RPS6KA2: variants seen among roughly 807,000 people sequenced by gnomAD.
The protein encoded by RPS6KA2 is ribosomal protein S6 kinase A2, also known as ribosomal protein S6 kinase alpha-2.
A neutral mutation model predicts 91.8 loss-of-function variants in RPS6KA2; 42 were observed. That is an observed-to-expected ratio of 0.46 (90% CI 0.36 to 0.59). RPS6KA2 has a LOEUF of 0.59. RPS6KA2 is among the 20% of genes least tolerant of loss of function. The probability of loss-of-function intolerance (pLI) is 0.00; values close to 1 mark genes in which losing one functional copy is unlikely to be tolerated. For synonymous variants in RPS6KA2, 414 were observed against 393.6 expected, an observed-to-expected ratio of 1.05 and a Z score of -0.61; for missense variants, 798 against 978.5, an observed-to-expected ratio of 0.82 and a Z score of 2.46.
In RPS6KA2 at chr6:166,430,593, A is replaced by C. The variant is rs765815045; in HGVS notation, c.1441T>G (p.Phe481Val). The change falls in exon 16 of 21, where the codon TTT becomes GTT. Residue 481 changes from phenylalanine to valine, a missense_variant. Transcript: ENST00000265678. ...ATCAGCTCCATTACCAGGTACACAA[A>C]CTTGCCATCATCATAGACCTGCGGA... Reference protein sequence around the residue: ...TLKDVYDDGKFVYLVMELMRG... With the variant: ...TLKDVYDDGKVVYLVMELMRG... 17 of 1,613,466 alleles carry C rather than the reference A, an allele frequency of 1.1e-5. No individual in the cohort carries two copies. In the Middle Eastern group the frequency reaches 5.0e-4, roughly 47 times the overall value.
intron 2 of RPS6KA2, among the ~76,000 whole-genome samples, chr6:166,812,508 G>C (rs7745455): frequency 0.22 from 34,185 of 151,936 alleles, 4,943 homozygotes; most frequent in African/African-American, 0.41. Flanking sequence ...GTGGGGAGAT[G>C]TCCCTTTTAG....
At position 166,430,627 on chromosome 6, in the gene RPS6KA2, G is replaced by A. The variant is rs1457989537; in HGVS notation, c.1423-16C>T. The A allele has an allele frequency of 6.2e-7, 1 of 1,605,674 alleles. No homozygotes were observed. The highest frequency in any genetic ancestry group is 1.7e-5 in the Admixed American group (1 of 59,582). ...CATCATAGACCTGCGGAGTGGAGAA[G>A]GGGCGCACACGTCACCACGGCTGGT... is the stretch of plus-strand genomic sequence containing the variant. On this transcript the variant is annotated splice_polypyrimidine_tract_variant and intron_variant, in intron 15 of 20. Transcript: ENST00000265678.
chr6:166,622,672 T>C (rs1361207608), intron 1 of RPS6KA2, among the ~76,000 whole-genome samples: 1 of 152,224 alleles, frequency 6.6e-6, no homozygotes, highest in Non-Finnish European at 1.5e-5. Context: ...CCCTTCACAC[T>C]TCCTTTATTA....
At chr6:166,702,401 T>C in intron 2 of RPS6KA2, 2 of 1,606,084 alleles carry the variant, frequency 1.2e-6, no homozygotes, top group Non-Finnish European at 1.7e-6. Flanking sequence ...ATTCTCTAAC[T>C]GAAATCCATT....
At chr6:166,562,192 C>T (rs1784366291) in intron 1 of RPS6KA2, among the ~76,000 whole-genome samples, 1 of 152,130 alleles carries the variant, frequency 6.6e-6, no homozygotes, top group Non-Finnish European at 1.5e-5. Context: ...ATCTGAGAGG[C>T]ACACTCCAAG....
At chr6:166,779,588 C>T (rs902180176) in intron 2 of RPS6KA2, among the ~76,000 whole-genome samples, 15 of 152,162 alleles carry the variant, frequency 9.9e-5, no homozygotes, top group Admixed American at 7.9e-4. Flanking sequence ...GGAGCCGCTC[C>T]GGGGCCTCAG....
In RPS6KA2 at chr6:166,793,110, T is replaced by C. The variant is rs980052764; in HGVS notation, c.123+65090A>G. Among the ~76,000 whole-genome samples the C allele has an allele frequency of 6.8e-4, 104 of 152,248 alleles. 2 individuals are homozygous for C. In the South Asian group the frequency reaches 0.014, roughly 21 times the overall value. ...TGATTGTATATCTAGAAAACCCCACTGTCTCAGCCCAAAATCTCCTTAAGC... is the reference window on the plus strand; with the variant it reads ...TGATTGTATATCTAGAAAACCCCACCGTCTCAGCCCAAAATCTCCTTAAGC... On this transcript the variant is annotated intron_variant, in intron 2 of 21. Coordinates refer to the RPS6KA2 transcript ENST00000503859.
intron 2 of RPS6KA2, among the ~76,000 whole-genome samples, chr6:166,682,262 C>T (rs955479707): frequency 6.6e-6 from 1 of 152,192 alleles, no homozygotes; most frequent in African/African-American, 2.4e-5. Flanking sequence ...TCATGCGTCA[C>T]TTAGTTGTTT....
chr6:166,840,055 T>A (rs1362667964), intron 2 of RPS6KA2, among the ~76,000 whole-genome samples: 2 of 152,150 alleles, frequency 1.3e-5, no homozygotes, highest in African/African-American at 4.8e-5. Context: ...ATAATGCCAC[T>A]TGTTTGCAGG....
chr6:166,640,305 A>G (rs1040134799), intron 2 of RPS6KA2, among the ~76,000 whole-genome samples: 19 of 152,252 alleles, frequency 1.2e-4, no homozygotes, highest in African/African-American at 3.6e-4. Context: ...GATTTGTTTT[A>G]GCAAATTTTC....
chr6:166,565,782 G>A (rs1023493976), intron 1 of RPS6KA2, among the ~76,000 whole-genome samples: 13 of 152,180 alleles, frequency 8.5e-5, no homozygotes, highest in Non-Finnish European at 1.5e-4. Flanking sequence ...CAGGACGGCC[G>A]ATGGCCTGGA....
chr6:166,515,754 T>C (rs2128485105), intron 3 of RPS6KA2, among the ~76,000 whole-genome samples: 1 of 152,300 alleles, frequency 6.6e-6, no homozygotes, highest in East Asian at 1.9e-4. Context: ...CCCACATCAC[T>C]AAGCTAAAGG....
At chr6:166,782,359 A>C (rs567522646) in intron 2 of RPS6KA2, among the ~76,000 whole-genome samples, 1 of 152,236 alleles carries the variant, frequency 6.6e-6, no homozygotes, top group African/African-American at 2.4e-5. Context: ...GGTGATGCAA[A>C]ATTACCCCTG....
At chr6:166,808,474 G>A (rs951372423) in intron 2 of RPS6KA2, among the ~76,000 whole-genome samples, 5 of 152,126 alleles carry the variant, frequency 3.3e-5, no homozygotes, top group South Asian at 2.1e-4. Context: ...GCATGAACCC[G>A]CCAGGGCAGA....
chr6:166,753,238 A>G (rs1777902481), intron 2 of RPS6KA2, among the ~76,000 whole-genome samples: 1 of 152,156 alleles, frequency 6.6e-6, no homozygotes, highest in East Asian at 1.9e-4. Context: ...GAATCTACGC[A>G]AGGGAAGAAC....
At position 166,533,840 on chromosome 6, in the gene RPS6KA2, G is replaced by A. The variant is rs1244416986; in HGVS notation, c.217-2527C>T. On this transcript the variant is annotated intron_variant, in intron 2 of 20. Coordinates refer to ENST00000265678, the MANE Select transcript of RPS6KA2 (RefSeq NM_021135.6). The surrounding 1 kb of genome is among the most constrained non-coding windows in gnomAD (Gnocchi z 4.0). The stretch of plus-strand genomic sequence containing the variant: ...GCTCACACCTGTAATCCAGCACATT[G>A]GGAGGCTGAGACAGAAGGATCTCTT... Among the ~76,000 whole-genome samples the A allele has an allele frequency of 2.0e-5, 3 of 152,174 alleles. No individual in the cohort carries two copies. The highest frequency in any genetic ancestry group is 7.2e-5 in the African/African-American group (3 of 41,442).
chr6:166,633,372 G>A (rs1335702795), intron 2 of RPS6KA2, among the ~76,000 whole-genome samples: 1 of 152,208 alleles, frequency 6.6e-6, no homozygotes, highest in African/African-American at 2.4e-5. Context: ...AGTACTTTGG[G>A]CCCATGAGGT....
At chr6:166,784,675 T>A (rs1409539704) in intron 2 of RPS6KA2, among the ~76,000 whole-genome samples, 163 of 16,844 alleles carry the variant, frequency 9.7e-3, no homozygotes, top group Middle Eastern at 0.071. Flanking sequence ...CACACCTATC[T>A]ATACCACATA....
Position 166,421,280 on chromosome 6 carries a change from A to G in RPS6KA2, c.1744-1322T>C, listed in dbSNP as rs73269209. Among the ~76,000 whole-genome samples the G allele has an allele frequency of 9.1e-3, 1,382 of 152,326 alleles. 16 individuals carry two copies. Among genetic ancestry groups the G allele is most frequent in the African/African-American group, 0.029 (1,222 of 41,566 alleles). ...TTGTAAATGGCAAAGGAATATCACA[A>G]CCTAGGGCATTCTACAATCAATAAA... is the stretch of plus-strand genomic sequence containing the variant. On this transcript the variant is annotated intron_variant, in intron 17 of 20. Coordinates refer to ENST00000265678, the MANE Select transcript of RPS6KA2 (RefSeq NM_021135.6).
Sources: allele counts gnomAD v4.1 joint callset (sites outside exome capture counted in the v4.1 genomes callset), GRCh38; gene constraint gnomAD v4.1.1; non-coding constraint Gnocchi (gnomAD v3.1); transcripts MANE v1.5; gene names NCBI Gene and HGNC (gene_info 2026-07-23, HGNC 2026-07-21).